The following SPATA21 variants were observed in gnomAD, a reference collection of about 807,000 sequenced individuals.
SPATA21 encodes spermatogenesis-associated protein 21.
A neutral mutation model predicts 54.8 loss-of-function variants in SPATA21; 47 were observed. That is an observed-to-expected ratio of 0.86 (90% CI 0.68 to 1.09). SPATA21 has a LOEUF of 1.09. Among genes scored for constraint, SPATA21 ranks in the 50% least tolerant of loss-of-function variants. The probability of loss-of-function intolerance (pLI) is 0.00; values close to 1 mark genes in which losing one functional copy is unlikely to be tolerated. For missense variants in SPATA21, 599 were observed against 596.4 expected (o/e 1.00, Z -0.05); for synonymous variants, 245 against 235.3 (o/e 1.04, Z -0.38).
chr1:16,415,207 C>T (rs1256086194), intron 5 of SPATA21, among the ~76,000 whole-genome samples: 4 of 152,098 alleles, frequency 2.6e-5, no homozygotes, highest in East Asian at 1.9e-4. Context: ...CATGATGGCT[C>T]GCGCCTGTAC....
At position 16,421,140 on chromosome 1, in the gene SPATA21, C is replaced by T. The variant is rs1372893995; in HGVS notation, c.144+369G>A. Among the ~76,000 whole-genome samples the T allele has an allele frequency of 6.6e-6, 1 of 151,838 alleles. No individual in the cohort carries two copies. Among genetic ancestry groups the T allele is most frequent in the East Asian group, 1.9e-4 (1 of 5,180 alleles). The stretch of plus-strand genomic sequence containing the variant: ...GGAGGGAAGGATGGCTGGGAGGGGT[C>T]GGGGAAGCCTCCCAGGTGTTCAGGG... On this transcript the variant is annotated intron_variant, in intron 5 of 12. Transcript: ENST00000335496. The surrounding 1 kb of genome is among the most constrained non-coding windows in gnomAD (Gnocchi z 5.2).
intron 1 of SPATA21, among the ~76,000 whole-genome samples, chr1:16,435,125 G>A (rs1455096745): frequency 6.6e-6 from 1 of 152,080 alleles, no homozygotes; most frequent in Non-Finnish European, 1.5e-5. Flanking sequence ...CCAGTGTTTT[G>A]GGATTACAGG....
chr1:16,431,202 C>T (rs539736234), intron 3 of SPATA21, 136 bp downstream of exon 3: 2 of 1,556,448 alleles, frequency 1.3e-6, no homozygotes, highest in African/African-American at 2.7e-5. Context: ...AAGGTGCCAG[C>T]TAGGAGTGAA....
chr1:16,427,127 A>C (rs565252377), intron 3 of SPATA21, among the ~76,000 whole-genome samples: 3 of 152,132 alleles, frequency 2.0e-5, no homozygotes, highest in Non-Finnish European at 2.9e-5. Flanking sequence ...TTATTTCCTC[A>C]TGGCCTATTT....
intron 5 of SPATA21, among the ~76,000 whole-genome samples, chr1:16,420,802 G>T (rs1029747136): frequency 3.9e-5 from 6 of 152,084 alleles, no homozygotes; most frequent in Non-Finnish European, 4.4e-5. Flanking sequence ...GGGCGTGGGG[G>T]ATGCTGTTGT....
chr1:16,408,416 G>A (rs1420720964), intron 7 of SPATA21: 1 of 955,974 alleles, frequency 1.0e-6, no homozygotes, highest in Non-Finnish European at 1.2e-6. Flanking sequence ...GGGTTCCTGG[G>A]GCCCTGTCTC....
In SPATA21 at chr1:16,421,955, G is replaced by A; in HGVS notation, c.51C>T (p.Asn17=). 6.2e-7 allele frequency: 1 copy of A among 1,614,228 alleles called. No individual in the cohort carries two copies. Among genetic ancestry groups the A allele is most frequent in the South Asian group, 1.1e-5 (1 of 91,088 alleles). The change falls in exon 4 of 13, where the codon AAC becomes AAT. Residue 17 remains asparagine, a synonymous_variant. Coordinates refer to ENST00000335496, the MANE Select transcript of SPATA21 (RefSeq NM_198546.1). This position sits in a 1 kb window ranked among gnomAD's most constrained non-coding sequence, Gnocchi z 5.2. ...QMYTEEEKTV[N]PFLPSTPGPK... ...GTCCAGGCGTGGATGGCAGGAAGGG[G>A]TTGACTGTCTTTTCCTCTGGAGCCA...
intron 5 of SPATA21, among the ~76,000 whole-genome samples, chr1:16,414,254 A>G (rs1410156290): frequency 6.6e-6 from 1 of 151,870 alleles, no homozygotes; most frequent in East Asian, 2.0e-4. Context: ...TTTTTAGTAG[A>G]GACAGGGTTT....
chr1:16,406,467 G>A (rs2085644120), intron 7 of SPATA21, among the ~76,000 whole-genome samples: 1 of 152,140 alleles, frequency 6.6e-6, no homozygotes, highest in South Asian at 2.1e-4. Flanking sequence ...TTTGGGCTAG[G>A]TGCGATGGCT....
At chr1:16,427,191 C>T (rs1187724403) in intron 3 of SPATA21, among the ~76,000 whole-genome samples, 3 of 151,996 alleles carry the variant, frequency 2.0e-5, no homozygotes, top group Admixed American at 6.6e-5. Flanking sequence ...CAAATTGCCA[C>T]GTTGATGAAA....
chr1:16,418,165 C>A (rs1223496021), intron 5 of SPATA21, among the ~76,000 whole-genome samples: 3 of 152,240 alleles, frequency 2.0e-5, no homozygotes, highest in Non-Finnish European at 4.4e-5. Context: ...TGTGCCCTCT[C>A]CTCTTCTCCC....
Position 16,410,006 on chromosome 1 carries a change from C to T in SPATA21, c.182G>A (p.Arg61His), listed in dbSNP as rs771677658. 87 of 1,581,548 alleles carry T rather than the reference C, an allele frequency of 5.5e-5. No individual in the cohort carries two copies. Among genetic ancestry groups the T allele is most frequent in the Non-Finnish European group, 6.9e-5 (81 of 1,165,934 alleles). Reference protein sequence around the residue: ...RDIGERREPDRAQQQPQKPAV... With the variant: ...RDIGERREPDHAQQQPQKPAV... ...GGGCTTCTGAGGCTGCTGCTGCGCA[C>T]GGTCTGGCTCCCGCCTCTCTCCAAT... The change falls in exon 6 of 13, where the codon CGT becomes CAT. Residue 61 changes from arginine (R) to histidine (H), a missense_variant. Arg to His is a conservative substitution (Grantham distance 29). Coordinates refer to ENST00000335496, the MANE Select transcript of SPATA21 (RefSeq NM_198546.1).
At chr1:16,420,339 T>A (rs1222022701) in intron 5 of SPATA21, among the ~76,000 whole-genome samples, 1 of 151,144 alleles carries the variant, frequency 6.6e-6, no homozygotes, top group East Asian at 2.0e-4. Context: ...TATTGAGGGA[T>A]GGGGCTGCAA....
At chr1:16,400,172 G>A (rs1251875318) in intron 11 of SPATA21, among the ~76,000 whole-genome samples, 3 of 151,940 alleles carry the variant, frequency 2.0e-5, no homozygotes, top group Non-Finnish European at 4.4e-5. Context: ...GATTACCGGT[G>A]CTCGCCACCA....
chr1:16,409,220 C>A lies in SPATA21; in HGVS notation c.588-17G>T, dbSNP rs780827944. The A allele has an allele frequency of 6.2e-7, 1 of 1,613,880 alleles. No homozygotes were observed. Among genetic ancestry groups the A allele is most frequent in the Non-Finnish European group, 8.5e-7 (1 of 1,179,946 alleles). On this transcript the variant is annotated splice_polypyrimidine_tract_variant and intron_variant, in intron 6 of 12. Transcript: ENST00000335496. The surrounding 1 kb of genome is among the most constrained non-coding windows in gnomAD (Gnocchi z 4.1). Reference sequence around the variant, plus strand: ...GGCTCCTGCCTGCAGAGGACAGAACCCCGACCCAGGGCAACATCCGGCCGC... The same window carrying A: ...GGCTCCTGCCTGCAGAGGACAGAACACCGACCCAGGGCAACATCCGGCCGC...
Position 16,405,445 on chromosome 1 carries a change from C to G in SPATA21, c.674-341G>C, listed in dbSNP as rs187692989. Among the ~76,000 whole-genome samples, 361 of 148,026 alleles carry G rather than the reference C, an allele frequency of 2.4e-3. 5 individuals carry two copies. The highest frequency in any genetic ancestry group is 8.5e-3 in the African/African-American group (339 of 39,882). ...ATTGCTTGAGCCTGGGATTTCAAGA[C>G]CAGCCACGGCAACACAGGGAGACCC... On this transcript the variant is annotated intron_variant, in intron 7 of 12. Transcript: ENST00000335496.
chr1:16,412,004 C>A (rs1407740927), intron 5 of SPATA21, among the ~76,000 whole-genome samples: 7 of 152,020 alleles, frequency 4.6e-5, no homozygotes, highest in African/African-American at 1.7e-4. Context: ...TCTGAGTTGA[C>A]CCCTTGGCAG....
rs536120778 is a variant in SPATA21, at chr1:16,404,742, C to G, written c.811+225G>C. 2.6e-5 allele frequency among the ~76,000 whole-genome samples: 4 copies of G among 152,102 alleles called. No homozygotes were observed. In the East Asian group the frequency reaches 7.7e-4, roughly 29 times the overall value. On this transcript the variant is annotated intron_variant, in intron 8 of 12. Transcript: ENST00000335496. ...GCAGGATTGCTTGAGCCTAGGAGGTCGAGGCTGTGGTGAGCAGGGATCACA... is the reference window on the plus strand; with the variant it reads ...GCAGGATTGCTTGAGCCTAGGAGGTGGAGGCTGTGGTGAGCAGGGATCACA...
At position 16,409,991 on chromosome 1, in the gene SPATA21, G is replaced by GGCT. The variant is rs987707043; in HGVS notation, c.194_196dup (p.Gln65dup). The GGCT allele has an allele frequency of 1.9e-6, 3 of 1,599,342 alleles. No homozygotes were observed. The highest frequency in any genetic ancestry group is 2.7e-5 in the African/African-American group (2 of 74,464). On this transcript the variant is annotated inframe_insertion, in exon 6 of 13. Coordinates refer to ENST00000335496, the MANE Select transcript of SPATA21 (RefSeq NM_198546.1). This position sits in a 1 kb window ranked among gnomAD's most constrained non-coding sequence, Gnocchi z 4.1. ...CCCTGCAGCCACCGCGGGCTTCTGA[G>GGCT]GCTGCTGCTGCGCACGGTCTGGCTC...
Sources: allele counts gnomAD v4.1 joint callset (sites outside exome capture counted in the v4.1 genomes callset), GRCh38; gene constraint gnomAD v4.1.1; non-coding constraint Gnocchi (gnomAD v3.1); transcripts MANE v1.5; gene names NCBI Gene and HGNC (gene_info 2026-07-23, HGNC 2026-07-21).